Variants in CNOT4 observed in about 807,000 individuals in gnomAD.
CNOT4 encodes CCR4-NOT transcription complex subunit 4.
Under a neutral mutation model 73.8 loss-of-function variants are expected in CNOT4, and 8 were observed. That is an observed-to-expected ratio of 0.11 (90% CI 0.06 to 0.20). The LOEUF is 0.20. CNOT4 is among the 10% of genes least tolerant of loss of function. CNOT4 has a pLI of 1.00. For missense variants in CNOT4, 564 were observed against 883.4 expected (o/e 0.64, Z 4.58); for synonymous variants, 293 against 321.1 (o/e 0.91, Z 0.94).
chr7:135,408,480 C>CT (rs1200402160), intron 7 of CNOT4, among the ~76,000 whole-genome samples: 1 of 152,114 alleles, frequency 6.6e-6, no homozygotes, highest in Admixed American at 6.5e-5. Context: ...AGAAAATACA[C>CT]TAACACTTTA....
chr7:135,468,303 A>C (rs1801353294), intron 1 of CNOT4, among the ~76,000 whole-genome samples: 2 of 152,158 alleles, frequency 1.3e-5, no homozygotes, highest in South Asian at 4.1e-4. Context: ...TCATATTTTG[A>C]ATAGTTAATT....
chr7:135,458,146 G>A (rs1800659825), intron 1 of CNOT4, among the ~76,000 whole-genome samples: 1 of 151,990 alleles, frequency 6.6e-6, no homozygotes, highest in Admixed American at 6.6e-5. Context: ...TCAGTTCCAG[G>A]CACCTGCAAT....
intron 10 of CNOT4, among the ~76,000 whole-genome samples, chr7:135,378,481 G>T (rs1327930577): frequency 6.6e-6 from 1 of 151,328 alleles, no homozygotes; most frequent in Non-Finnish European, 1.5e-5. Flanking sequence ...TCCAGCCTGG[G>T]CGAGAGTGTC....
intron 1 of CNOT4, among the ~76,000 whole-genome samples, chr7:135,446,333 A>T (rs1334293892): frequency 3.3e-5 from 5 of 152,230 alleles, no homozygotes; most frequent in Non-Finnish European, 5.9e-5. Context: ...TTCTGGAAAC[A>T]GACAGTGGTG....
intron 10 of CNOT4, chr7:135,384,428 G>A (rs1048261999): frequency 8.5e-5 from 34 of 399,748 alleles, no homozygotes; most frequent in African/African-American, 6.2e-4. Flanking sequence ...GGGGCTACAG[G>A]TGCCCGCCAC....
At chr7:135,508,773 G>A (rs144799334) in intron 1 of CNOT4, among the ~76,000 whole-genome samples, 4 of 152,232 alleles carry the variant, frequency 2.6e-5, no homozygotes, top group African/African-American at 9.6e-5. Flanking sequence ...ATATTTGCTA[G>A]CGGAGTTCAC....
chr7:135,456,356 C>T (rs1277633677), intron 1 of CNOT4, among the ~76,000 whole-genome samples: 2 of 152,102 alleles, frequency 1.3e-5, no homozygotes, highest in South Asian at 2.1e-4. Context: ...TCTAAATCAA[C>T]GAGGAAACCT....
intron 2 of CNOT4, among the ~76,000 whole-genome samples, chr7:135,427,509 G>A (rs899524279): frequency 3.9e-5 from 6 of 151,982 alleles, no homozygotes; most frequent in Admixed American, 6.6e-5. Context: ...CATACCACTT[G>A]GGCCTCATGC....
At chr7:135,443,006 C>T (rs1244940992) in intron 1 of CNOT4, among the ~76,000 whole-genome samples, 1 of 151,932 alleles carries the variant, frequency 6.6e-6, no homozygotes, top group Non-Finnish European at 1.5e-5. Flanking sequence ...CTGTAGTGAG[C>T]CATGTTCACG....
At chr7:135,440,686 C>T (rs577170772) in intron 1 of CNOT4, among the ~76,000 whole-genome samples, 1 of 152,214 alleles carries the variant, frequency 6.6e-6, no homozygotes, top group East Asian at 1.9e-4. Context: ...CTTGGAGAGG[C>T]CGAGGCAGGT....
chr7:135,474,556 C>T (rs569468120), intron 1 of CNOT4, among the ~76,000 whole-genome samples: 1 of 152,170 alleles, frequency 6.6e-6, no homozygotes, highest in South Asian at 2.1e-4. Context: ...GGATTACAGA[C>T]ATGAGCCACG....
intron 10 of CNOT4, chr7:135,387,809 CTT>C: frequency 3.1e-6 from 3 of 980,118 alleles, no homozygotes; most frequent in Non-Finnish European, 2.4e-6. Flanking sequence ...CCACTATTCT[CTT>C]GATTAAAATT....
intron 4 of CNOT4, among the ~76,000 whole-genome samples, chr7:135,414,765 A>G (rs555666303): frequency 1.3e-5 from 2 of 152,224 alleles, no homozygotes; most frequent in South Asian, 4.1e-4. Context: ...AGACTTAAAG[A>G]CTATGTCAAA....
chr7:135,411,977 T>TAAC (rs748394157), intron 6 of CNOT4, among the ~76,000 whole-genome samples: 23 of 152,072 alleles, frequency 1.5e-4, no homozygotes, highest in East Asian at 1.2e-3. Flanking sequence ...GAAAGTGTTT[T>TAAC]AACAACAACA....
At chr7:135,487,674 A>C (rs1802819125) in intron 1 of CNOT4, among the ~76,000 whole-genome samples, 1 of 152,192 alleles carries the variant, frequency 6.6e-6, no homozygotes, top group Non-Finnish European at 1.5e-5. Context: ...GATAGTAGCA[A>C]TATGAATTGC....
intron 1 of CNOT4, among the ~76,000 whole-genome samples, chr7:135,484,474 C>G (rs1304048504): frequency 1.3e-5 from 2 of 152,012 alleles, no homozygotes; most frequent in African/African-American, 4.8e-5. Flanking sequence ...GGTCAACATA[C>G]AAAAATCAGT....
intron 1 of CNOT4, among the ~76,000 whole-genome samples, chr7:135,456,421 A>T (rs889347629): frequency 6.6e-6 from 1 of 152,142 alleles, no homozygotes; most frequent in East Asian, 1.9e-4. Flanking sequence ...TTTATCTTAT[A>T]CTTCTTCCTG....
chr7:135,473,535 C>T (rs1163712959), intron 1 of CNOT4, among the ~76,000 whole-genome samples: 2 of 152,054 alleles, frequency 1.3e-5, no homozygotes, highest in Admixed American at 1.3e-4. Context: ...TCCCTTGAGC[C>T]CACGAGTTTG....
intron 1 of CNOT4, among the ~76,000 whole-genome samples, chr7:135,448,452 G>A (rs1469753462): frequency 2.0e-5 from 3 of 149,028 alleles, no homozygotes; most frequent in African/African-American, 4.9e-5. Flanking sequence ...GCTGAGGCAG[G>A]AGAACTCCTT....
Sources: gnomAD v4.1 joint callset for allele counts (sites outside exome capture counted in the v4.1 genomes callset) on GRCh38, gnomAD v4.1.1 for gene constraint, MANE v1.5 for transcripts, NCBI Gene and HGNC (gene_info 2026-07-23, HGNC 2026-07-21) for gene names.